Variants in MRPS10 observed in about 807,000 individuals in gnomAD.
MRPS10 encodes mitochondrial ribosomal protein S10.
In MRPS10, 23 loss-of-function variants were observed where a neutral mutation model predicts 27.5. The ratio of observed to expected loss-of-function variants is 0.84; its 90% CI spans 0.60 to 1.18. MRPS10 has a LOEUF of 1.18. Among genes scored for constraint, MRPS10 ranks in the 50% most tolerant of loss-of-function variants. The pLI, the probability that MRPS10 is intolerant of heterozygous loss-of-function variation, is 0.00. For synonymous variants in MRPS10, 88 were observed against 84.2 expected, an observed-to-expected ratio of 1.04 and a Z score of -0.25; for missense variants, 237 against 240.1, an observed-to-expected ratio of 0.99 and a Z score of 0.09.
At chr6:42,209,169 T>C (rs1768698894) in intron 5 of MRPS10, among the ~76,000 whole-genome samples, 1 of 151,384 alleles carries the variant, frequency 6.6e-6, no homozygotes, top group African/African-American at 2.4e-5. Context: ...TAATTTTTTT[T>C]GTATTTTTAG....
intron 1 of MRPS10, among the ~76,000 whole-genome samples, chr6:42,216,379 A>AGT (rs1479117624): frequency 1.8e-4 from 6 of 33,714 alleles, no homozygotes; most frequent in African/African-American, 3.9e-4. Context: ...AGAGAGAGAG[A>AGT]GAGAGAGTGT....
intron 5 of MRPS10, among the ~76,000 whole-genome samples, 180 bp downstream of exon 5, chr6:42,210,308 T>A (rs1308168415): frequency 2.7e-5 from 4 of 150,878 alleles, no homozygotes; most frequent in African/African-American, 9.8e-5. Flanking sequence ...GATTGCTTTA[T>A]TTGCATTTAC....
Position 42,207,461 on chromosome 6 carries a change from C to G in MRPS10, c.*828G>C, listed in dbSNP as rs1402078731. ...GGTCTGGATCTCTTGACCTCGTGAT[C>G]CGCCTGCCTCGGCCTCCCAAAATGC... On this transcript the variant is annotated 3_prime_UTR_variant, in exon 7 of 7. Coordinates refer to ENST00000053468, the MANE Select transcript of MRPS10 (RefSeq NM_018141.4). 1 of 152,146 alleles carries G rather than the reference C, an allele frequency of 6.6e-6. No homozygotes were observed. Among genetic ancestry groups the G allele is most frequent in the Non-Finnish European group, 1.5e-5 (1 of 68,036 alleles). 9.4% of individuals were successfully genotyped at this position (152,146 alleles called of 1,614,324 possible). A position where few individuals can be genotyped will look rare whatever the true frequency, so the allele number is the denominator to read the frequency against.
Position 42,211,770 on chromosome 6 carries a change from G to A in MRPS10, c.323+11C>T, listed in dbSNP as rs1259183958. 1.9e-6 allele frequency: 3 copies of A among 1,610,848 alleles called. No homozygotes were observed. Among genetic ancestry groups the A allele is most frequent in the Non-Finnish European group, 1.7e-6 (2 of 1,178,890 alleles). ...CAGCGAACAGGTCGGGTCAGGAAAGGCCATACTCACACTTTAATAGAGATA... is the reference window on the plus strand; with the variant it reads ...CAGCGAACAGGTCGGGTCAGGAAAGACCATACTCACACTTTAATAGAGATA... On this transcript the variant is annotated intron_variant, in intron 4 of 6. Transcript: ENST00000053468.
intron 1 of MRPS10, among the ~76,000 whole-genome samples, chr6:42,216,198 A>G (rs1768926355): frequency 6.6e-6 from 1 of 150,828 alleles, no homozygotes; most frequent in Non-Finnish European, 1.5e-5. Context: ...TAATTTTTGT[A>G]TTTTTAGTAG....
chr6:42,214,056 T>C (rs1768851762), intron 3 of MRPS10, 64 bp downstream of exon 3: 1 of 1,405,520 alleles, frequency 7.1e-7, no homozygotes, highest in Non-Finnish European at 9.8e-7. Context: ...AAAAACCCAA[T>C]GAAATAATAA....
At chr6:42,215,617 G>A (rs1768903529) in intron 1 of MRPS10, among the ~76,000 whole-genome samples, 1 of 152,048 alleles carries the variant, frequency 6.6e-6, no homozygotes, top group African/African-American at 2.4e-5. Flanking sequence ...TGTAGAGATG[G>A]GGTTTCACCA....
chr6:42,211,927 A>G lies in MRPS10; in HGVS notation c.187-10T>C, dbSNP rs1768793014. 1 of 1,601,954 alleles carries G rather than the reference A, an allele frequency of 6.2e-7. No individual in the cohort carries two copies. Among genetic ancestry groups the G allele is most frequent in the Admixed American group, 1.8e-5 (1 of 56,222 alleles). ...CATCAGAGATTGTTACCTAAAATCC[A>G]AAAGAAAAGTTTCAGTTTTAGTTCC... On this transcript the variant is annotated splice_polypyrimidine_tract_variant and intron_variant, in intron 3 of 6. Transcript: ENST00000053468.
chr6:42,211,734 T>C (rs1397995434), intron 4 of MRPS10, 47 bp downstream of exon 4: 2 of 1,538,316 alleles, frequency 1.3e-6, no homozygotes, highest in African/African-American at 1.4e-5. Context: ...TCCTGGTTGA[T>C]CATATTACAG....
intron 5 of MRPS10, 44 bp downstream of exon 5, chr6:42,210,443 AT>A (rs1161627434): frequency 1.0e-6 from 1 of 959,344 alleles, no homozygotes; most frequent in Non-Finnish European, 1.5e-6. Flanking sequence ...GCTAGTGTGA[AT>A]TTTTGGTATT....
At chr6:42,215,987 T>C (rs1308293825) in intron 1 of MRPS10, among the ~76,000 whole-genome samples, 6 of 151,324 alleles carry the variant, frequency 4.0e-5, no homozygotes, top group South Asian at 2.1e-4. Context: ...ATTCTCCCAC[T>C]ATAAACCTCT....
At chr6:42,213,735 A>G (rs1768845156) in intron 3 of MRPS10, among the ~76,000 whole-genome samples, 1 of 152,250 alleles carries the variant, frequency 6.6e-6, no homozygotes, top group Non-Finnish European at 1.5e-5. Context: ...TGTGAACAAT[A>G]AAGCACTGTC....
At chr6:42,215,308 T>C (rs1768893037) in intron 1 of MRPS10, among the ~76,000 whole-genome samples, 2 of 119,444 alleles carry the variant, frequency 1.7e-5, no homozygotes, top group Admixed American at 2.3e-4. Context: ...GAGAATCGCT[T>C]GAACCCGGGA....
At chr6:42,216,413 T>TGTGTGTGTGTGTGTGTGTGTGG (rs371361467) in intron 1 of MRPS10, among the ~76,000 whole-genome samples, 1 of 128,368 alleles carries the variant, frequency 7.8e-6, no homozygotes, top group Non-Finnish European at 1.7e-5. Flanking sequence ...TGTGTGTGTG[T>TGTGTGTGTGTGTGTGTGTGTGG]TGGGGGAGTG....
At position 42,214,361 on chromosome 6, in the gene MRPS10, T is replaced by G. The variant is rs376273155; in HGVS notation, c.49-17A>C. Reference sequence around the variant, plus strand: ...CCCCAATCCCTAAAGAAAAAAAAAGTAGGACATGTGTTAGAATTAAAGTCA... The same window carrying G: ...CCCCAATCCCTAAAGAAAAAAAAAGGAGGACATGTGTTAGAATTAAAGTCA... On this transcript the variant is annotated splice_polypyrimidine_tract_variant and intron_variant, in intron 1 of 6. Transcript: ENST00000053468. 1 of 1,556,966 alleles carries G rather than the reference T, an allele frequency of 6.4e-7. No individual in the cohort carries two copies. Among genetic ancestry groups the G allele is most frequent in the African/African-American group, 1.4e-5 (1 of 73,144 alleles).
Position 42,211,843 on chromosome 6 carries a change from T to A in MRPS10, c.261A>T (p.Val87=). The A allele has an allele frequency of 6.2e-7, 1 of 1,614,086 alleles. No individual in the cohort carries two copies. Among genetic ancestry groups the A allele is most frequent in the African/African-American group, 1.3e-5 (1 of 75,042 alleles). ...SVLVKGHDKA[V]LDSYEYFAVL... Reference sequence around the variant, plus strand: ...CAGCAAAATATTCATAACTGTCCAATACAGCCTTATCGTGACCTTTCACCA... The same window carrying A: ...CAGCAAAATATTCATAACTGTCCAAAACAGCCTTATCGTGACCTTTCACCA... The change falls in exon 4 of 7, where the codon GTA becomes GTT. Residue 87 remains valine (V), a synonymous_variant. Transcript: ENST00000053468.
intron 3 of MRPS10, 42 bp downstream of exon 3, chr6:42,214,078 T>C (rs1310000491): frequency 2.8e-5 from 42 of 1,488,598 alleles, no homozygotes; most frequent in Non-Finnish European, 3.8e-5. Context: ...GAAAACCTAT[T>C]GCCAAGGTAG....
chr6:42,208,814 A>G (rs1302871963), intron 6 of MRPS10, 44 bp downstream of exon 6: 3 of 1,293,760 alleles, frequency 2.3e-6, no homozygotes, highest in Non-Finnish European at 3.3e-6. Flanking sequence ...TACAGATACC[A>G]CTCCCCACCG....
intron 1 of MRPS10, among the ~76,000 whole-genome samples, chr6:42,214,658 C>T (rs1768871493): frequency 6.6e-6 from 1 of 152,200 alleles, no homozygotes; most frequent in East Asian, 1.9e-4. Flanking sequence ...ACTTCATTTT[C>T]CCATTATTTT....
Sources: allele counts gnomAD v4.1 joint callset (sites outside exome capture counted in the v4.1 genomes callset), GRCh38; gene constraint gnomAD v4.1.1; transcripts MANE v1.5; gene names NCBI Gene and HGNC (gene_info 2026-07-23, HGNC 2026-07-21).